The following REG1A variants were observed in gnomAD, a reference collection of about 807,000 sequenced individuals.
REG1A encodes the protein regenerating family member 1 alpha.
Under a neutral mutation model 20.7 loss-of-function variants are expected in REG1A, and 20 were observed. That is an observed-to-expected ratio of 0.97 (90% CI 0.68 to 1.41). REG1A has a LOEUF of 1.41. Ranked by LOEUF, REG1A falls within the 40% of genes most tolerant of loss-of-function variation. The pLI, the probability that REG1A is intolerant of heterozygous loss-of-function variation, is 0.00. For missense variants in REG1A, 193 were observed against 201.8 expected (o/e 0.96, Z 0.26); for synonymous variants, 90 against 71.6 (o/e 1.26, Z -1.30).
In REG1A at chr2:79,121,694, G is replaced by T; in HGVS notation, c.183+14G>T. On this transcript the variant is annotated intron_variant, in intron 3 of 5. Transcript: ENST00000233735. ...GTTGATGCAGATGTGAGTGAGGAGA[G>T]CAGTGTGGGAAGGGAGACTCATGAA... The T allele has an allele frequency of 6.2e-7, 1 of 1,609,990 alleles. No individual in the cohort carries two copies. The highest frequency in any genetic ancestry group is 8.5e-7 in the Non-Finnish European group (1 of 1,176,256).
intron 4 of REG1A, 136 bp from the exon 5 acceptor site, chr2:79,122,705 A>G: frequency 1.5e-6 from 1 of 682,470 alleles, no homozygotes; most frequent in Non-Finnish European, 2.6e-6. Flanking sequence ...GAGCAATAGC[A>G]AAGGAAAGGA....
In REG1A at chr2:79,123,302, C is replaced by G; in HGVS notation, c.*87C>G. On this transcript the variant is annotated 3_prime_UTR_variant, in exon 6 of 6. Coordinates refer to ENST00000233735, the MANE Select transcript of REG1A (RefSeq NM_002909.5). ...ACCGGACCATCTCTCCAACTCAACT[C>G]AACCTGGACACTCTCTTCTCTGCTG... is the stretch of plus-strand genomic sequence containing the variant. The G allele has an allele frequency of 1.3e-6, 1 of 771,464 alleles. No individual in the cohort carries two copies. Among genetic ancestry groups the G allele is most frequent in the Non-Finnish European group, 2.2e-6 (1 of 460,166 alleles). The allele number at this position is 771,464 out of a possible 1,614,324, so 47.8% of individuals were successfully genotyped here. A position where few individuals can be genotyped will look rare whatever the true frequency, so the allele number is the denominator to read the frequency against.
rs1219122418 is a variant in REG1A, at chr2:79,121,592, C to T, written c.95C>T (p.Ala32Val). The T allele has an allele frequency of 1.2e-6, 2 of 1,614,108 alleles. No homozygotes were observed. The highest frequency in any genetic ancestry group is 1.7e-6 in the Non-Finnish European group (2 of 1,179,988). The change falls in exon 3 of 6, where the codon GCC becomes GTC. Residue 32 changes from alanine (A) to valine (V), a missense_variant. By Grantham distance (64) the Ala-to-Val change is moderately conservative. Transcript: ENST00000233735. Reference protein sequence around the residue: ...GQEAQTELPQARISCPEGTNA... With the variant: ...GQEAQTELPQVRISCPEGTNA... ...GAGGCCCAGACAGAGTTGCCCCAGG[C>T]CCGGATCAGCTGCCCAGAAGGCACC...
chr2:79,121,036 G>A (rs575933715), intron 2 of REG1A, 111 bp downstream of exon 2: 1 of 853,356 alleles, frequency 1.2e-6, no homozygotes, highest in Admixed American at 2.3e-5. Context: ...CACTGTTAAG[G>A]GTTGTTTTGT....
In REG1A at chr2:79,122,967, A is replaced by T. The variant is rs1672909254; in HGVS notation, c.433+15A>T. 9 of 1,601,594 alleles carry T rather than the reference A, an allele frequency of 5.6e-6. No individual in the cohort carries two copies. In the East Asian group the frequency reaches 2.0e-4, roughly 36 times the overall value. Reference sequence around the variant, plus strand: ...CTCAAGCACAGGTGAGAGGCAGAGAATCCATCCACCTGTTTCTGTTCTCTC... The same window carrying T: ...CTCAAGCACAGGTGAGAGGCAGAGATTCCATCCACCTGTTTCTGTTCTCTC... On this transcript the variant is annotated intron_variant, in intron 5 of 5. Coordinates refer to ENST00000233735, the MANE Select transcript of REG1A (RefSeq NM_002909.5).
chr2:79,121,497 C>T (rs1672885431), intron 2 of REG1A, 65 bp from the exon 3 acceptor site: 3 of 1,317,528 alleles, frequency 2.3e-6, no homozygotes, highest in Non-Finnish European at 3.3e-6. Flanking sequence ...CTCAGAAGCT[C>T]TTACCTCACC....
chr2:79,122,686 A>G (rs1413193421), intron 4 of REG1A, among the ~76,000 whole-genome samples, 155 bp from the exon 5 acceptor site: 1 of 152,234 alleles, frequency 6.6e-6, no homozygotes, highest in Admixed American at 6.5e-5. Flanking sequence ...AGTTCAGGAA[A>G]GAAGTTTAGA....
At position 79,121,629 on chromosome 2, in the gene REG1A, C is replaced by T. The variant is rs750461316; in HGVS notation, c.132C>T (p.Arg44=). 16 of 1,613,990 alleles carry T rather than the reference C, an allele frequency of 9.9e-6. No homozygotes were observed. The highest frequency in any genetic ancestry group is 1.3e-5 in the African/African-American group (1 of 74,912). The change falls in exon 3 of 6, where the codon CGC becomes CGT. Residue 44 remains arginine, a synonymous_variant. Transcript: ENST00000233735. Reference sequence around the variant, plus strand: ...GCCCAGAAGGCACCAATGCCTATCGCTCCTACTGCTACTACTTTAATGAAG... The same window carrying T: ...GCCCAGAAGGCACCAATGCCTATCGTTCCTACTGCTACTACTTTAATGAAG... ...ISCPEGTNAY[R]SYCYYFNEDR...
At chr2:79,122,147 C>G (rs1672895592) in intron 4 of REG1A, 22 bp downstream of exon 4, 3 of 1,612,656 alleles carry the variant, frequency 1.9e-6, no homozygotes, top group Non-Finnish European at 2.5e-6. Flanking sequence ...CCTTCTTTAT[C>G]TCCTAATGAT....
chr2:79,121,064 A>G (rs1349218493), intron 2 of REG1A, 139 bp downstream of exon 2: 3 of 634,422 alleles, frequency 4.7e-6, no homozygotes, highest in Non-Finnish European at 8.2e-6. Flanking sequence ...AGTGATCTTT[A>G]TTGCTGATCT....
In REG1A at chr2:79,123,191, C is replaced by A. The variant is rs201373323; in HGVS notation, c.477C>A (p.Ser159=). 5.6e-6 allele frequency: 9 copies of A among 1,612,620 alleles called. No homozygotes were observed. In the East Asian group the frequency reaches 1.6e-4, roughly 28 times the overall value. Reference sequence around the variant, plus strand: ...ATGTGCCTTGTGAAGACAAGTTCTCCTTTGTCTGCAAGTTCAAAAACTAGA... The same window carrying A: ...ATGTGCCTTGTGAAGACAAGTTCTCATTTGTCTGCAAGTTCAAAAACTAGA... ...WKDVPCEDKF[S]FVCKFKN Residue 159 remains serine, a synonymous_variant, in exon 6 of 6, where the codon TCC becomes TCA. Transcript: ENST00000233735.
chr2:79,121,912 C>T (rs2104064202), intron 3 of REG1A, 76 bp from the exon 4 acceptor site: 2 of 1,574,334 alleles, frequency 1.3e-6, no homozygotes, highest in East Asian at 2.2e-5. Flanking sequence ...CTTTTTCTGA[C>T]CCGTCCTCTT....
intron 2 of REG1A, 76 bp downstream of exon 2, chr2:79,121,001 T>C (rs1672875256): frequency 9.6e-6 from 10 of 1,040,344 alleles, no homozygotes; most frequent in African/African-American, 2.8e-5. Context: ...ACGGGTCTAC[T>C]TGAAAAAAAA....
chr2:79,122,790 C>A, intron 4 of REG1A, 51 bp from the exon 5 acceptor site: 1 of 1,220,976 alleles, frequency 8.2e-7, no homozygotes, highest in South Asian at 1.2e-5. Flanking sequence ...CCCAGTGATT[C>A]CATGTATTTT....
At chr2:79,120,712 G>A (rs1672870176) in intron 1 of REG1A, 104 bp from the exon 2 acceptor site, 2 of 498,212 alleles carry the variant, frequency 4.0e-6, no homozygotes, top group Non-Finnish European at 7.1e-6. Context: ...GGGTGTCTCA[G>A]AGGACCTTCC....
Position 79,120,942 on chromosome 2 carries a change from A to C in REG1A, c.64+17A>C. The C allele has an allele frequency of 6.2e-7, 1 of 1,606,458 alleles. No individual in the cohort carries two copies. Among genetic ancestry groups the C allele is most frequent in the Non-Finnish European group, 8.5e-7 (1 of 1,175,282 alleles). ...AGAGCCAAGGTAAGATCTCTTTTCC[A>C]CCAACCAACTCTTTCTAGCCCTGAA... On this transcript the variant is annotated intron_variant, in intron 2 of 5. Coordinates refer to ENST00000233735, the MANE Select transcript of REG1A (RefSeq NM_002909.5).
At chr2:79,121,004 A>T (rs1572940988) in intron 2 of REG1A, 79 bp downstream of exon 2, 12 of 5,080 alleles carry the variant, frequency 2.4e-3, no homozygotes, top group Non-Finnish European at 3.2e-3. Context: ...GGTCTACTTG[A>T]AAAAAAAAAA....
intron 2 of REG1A, 23 bp downstream of exon 2, chr2:79,120,948 C>G: frequency 6.2e-7 from 1 of 1,603,372 alleles, no homozygotes; most frequent in Non-Finnish European, 8.5e-7. Flanking sequence ...TTCCACCAAC[C>G]AACTCTTTCT....
intron 3 of REG1A, 75 bp from the exon 4 acceptor site, chr2:79,121,913 C>A (rs548686997): frequency 3.2e-6 from 5 of 1,575,762 alleles, no homozygotes; most frequent in East Asian, 4.5e-5. Flanking sequence ...TTTTTCTGAC[C>A]CGTCCTCTTG....
Sources: gnomAD v4.1 joint callset for allele counts (sites outside exome capture counted in the v4.1 genomes callset) on GRCh38, gnomAD v4.1.1 for gene constraint, MANE v1.5 for transcripts, NCBI Gene and HGNC (gene_info 2026-07-23, HGNC 2026-07-21) for gene names.